Variants in PHEX observed in about 807,000 individuals in gnomAD.
PHEX encodes phosphate regulating endopeptidase X-linked.
A neutral mutation model predicts 68.0 loss-of-function variants in PHEX; 16 were observed. The observed-to-expected ratio is 0.24, with a 90% CI of 0.16 to 0.36. The LOEUF (loss-of-function observed/expected upper bound fraction) is 0.36. PHEX is among the 10% of genes least tolerant of loss of function. The pLI, the probability that PHEX is intolerant of heterozygous loss-of-function variation, is 1.00. For missense variants in PHEX, 480 were observed against 575.5 expected, an observed-to-expected ratio of 0.83 and a Z score of 1.70; for synonymous variants, 208 against 205.1, an observed-to-expected ratio of 1.01 and a Z score of -0.12.
At position 22,212,996 on chromosome X, in the gene PHEX, T is replaced by C. The variant is rs182219324; in HGVS notation, c.1700+38T>C. 2.1e-4 allele frequency: 212 copies of C among 992,628 alleles called. 1 individual carries two copies. The highest frequency in any genetic ancestry group is 3.0e-4 in the Non-Finnish European group (206 of 696,582). The allele number at this position is 992,628 out of a possible 1,213,427, so 81.8% of individuals were successfully genotyped here. A position where few individuals can be genotyped will look rare whatever the true frequency, so the allele number is the denominator to read the frequency against. ...GTACAGAAACCAGTTACTGACCAAT[T>C]AGGAAGAACATGTTGCTTTGGTAGA... On this transcript the variant is annotated intron_variant, in intron 16 of 21. Transcript: ENST00000379374.
chrX:22,037,364 T>G (rs903990580), intron 1 of PHEX, among the ~76,000 whole-genome samples: 8 of 111,249 alleles, frequency 7.2e-5, no homozygotes, highest in African/African-American at 2.0e-4. Flanking sequence ...CCCATTCACC[T>G]CCCACCATCC....
intron 11 of PHEX, among the ~76,000 whole-genome samples, chrX:22,132,760 C>T (rs917260224): frequency 3.5e-4 from 39 of 111,976 alleles, no homozygotes; most frequent in African/African-American, 1.2e-3. Context: ...AGTTTAGTAG[C>T]TACAGACAGG....
At chrX:22,244,516 C>T (rs1234423908) in intron 20 of PHEX, among the ~76,000 whole-genome samples, 3 of 110,998 alleles carry the variant, frequency 2.7e-5, no homozygotes, top group Admixed American at 9.6e-5. Flanking sequence ...GCAGGAGAAT[C>T]GCTTGAACCC....
At chrX:22,221,871 A>G (rs1935281674) in intron 18 of PHEX, 128 bp downstream of exon 18, 2 of 645,309 alleles carry the variant, frequency 3.1e-6, no homozygotes, top group Admixed American at 2.3e-5. Flanking sequence ...TTCCTTGGGA[A>G]CATTCTTGAG....
intron 10 of PHEX, among the ~76,000 whole-genome samples, chrX:22,114,161 G>C (rs1427733330): frequency 9.2e-6 from 1 of 109,211 alleles, no homozygotes; most frequent in Non-Finnish European, 1.9e-5. Flanking sequence ...TGTTGGCCAG[G>C]CTGGTCTCGA....
chrX:22,088,797 A>T (rs1482356845), intron 5 of PHEX, among the ~76,000 whole-genome samples: 1 of 111,613 alleles, frequency 9.0e-6, no homozygotes, highest in Non-Finnish European at 1.9e-5. Context: ...AATTTGTTCA[A>T]TGTCGATAAA....
chrX:22,060,013 G>A (rs1928288541), intron 3 of PHEX, among the ~76,000 whole-genome samples: 1 of 110,278 alleles, frequency 9.1e-6, no homozygotes, highest in African/African-American at 3.3e-5. Context: ...GTCAATTCTG[G>A]GCCTGGCAGT....
intron 20 of PHEX, among the ~76,000 whole-genome samples, chrX:22,243,973 AC>A (rs1352654739): frequency 8.9e-6 from 1 of 112,007 alleles, no homozygotes; most frequent in Non-Finnish European, 1.9e-5. Context: ...CTATAAAGAC[AC>A]CATGCATACG....
intron 9 of PHEX, among the ~76,000 whole-genome samples, chrX:22,106,832 A>G (rs1930720259): frequency 9.1e-6 from 1 of 109,701 alleles, no homozygotes; most frequent in Non-Finnish European, 1.9e-5. Context: ...TATCTGGCAT[A>G]GGGAAAAGCA....
chrX:22,197,537 G>C (rs769464335), intron 15 of PHEX, among the ~76,000 whole-genome samples: 20 of 111,030 alleles, frequency 1.8e-4, no homozygotes, highest in Non-Finnish European at 3.2e-4. Context: ...GGAGTACCAT[G>C]TGAGTGCGCC....
chrX:22,058,209 G>T (rs1928204088), intron 3 of PHEX, among the ~76,000 whole-genome samples: 1 of 111,309 alleles, frequency 9.0e-6, no homozygotes, highest in African/African-American at 3.3e-5. Flanking sequence ...AAGGGATTCT[G>T]CCACTTATCA....
At chrX:22,195,368 C>A (rs991028602) in intron 15 of PHEX, among the ~76,000 whole-genome samples, 2 of 109,901 alleles carry the variant, frequency 1.8e-5, no homozygotes, top group Non-Finnish European at 3.8e-5. Context: ...CTGAGGCAGG[C>A]GGATCACCTG....
At chrX:22,181,834 A>G (rs2147131377) in intron 14 of PHEX, among the ~76,000 whole-genome samples, 1 of 111,737 alleles carries the variant, frequency 8.9e-6, no homozygotes, top group East Asian at 2.8e-4. Flanking sequence ...TTTTATTCGT[A>G]GCTATTGTAA....
chrX:22,239,019 T>A (rs1400864202), intron 20 of PHEX, among the ~76,000 whole-genome samples: 1 of 111,684 alleles, frequency 9.0e-6, no homozygotes, highest in East Asian at 2.8e-4. Flanking sequence ...GGACAAAGCT[T>A]CCAGAGGAAG....
intron 18 of PHEX, among the ~76,000 whole-genome samples, chrX:22,224,983 A>AGC (rs1270451681): frequency 0.027 from 2,969 of 108,127 alleles, 667 homozygotes; most frequent in African/African-American, 0.054. Flanking sequence ...ATTATCATAC[A>AGC]GCTCTGTATG....
chrX:22,174,208 G>T (rs111941318), intron 13 of PHEX, among the ~76,000 whole-genome samples: 1,967 of 112,100 alleles, frequency 0.018, 36 homozygotes, highest in African/African-American at 0.061. Context: ...GGAATTGATT[G>T]AAAGTGATCA....
chrX:22,116,462 A>G (rs1931236081), intron 11 of PHEX, among the ~76,000 whole-genome samples: 1 of 111,877 alleles, frequency 8.9e-6, no homozygotes, highest in Non-Finnish European at 1.9e-5. Context: ...TAAGATACAA[A>G]TATATGAGCA....
At chrX:22,208,298 A>G (rs1934777674) in intron 15 of PHEX, among the ~76,000 whole-genome samples, 1 of 111,633 alleles carries the variant, frequency 9.0e-6, no homozygotes, top group African/African-American at 3.3e-5. Context: ...GTATATGCTC[A>G]CACTGGTAGG....
intron 11 of PHEX, among the ~76,000 whole-genome samples, chrX:22,126,090 A>C (rs1602316839): frequency 8.9e-6 from 1 of 111,969 alleles, no homozygotes; most frequent in South Asian, 3.7e-4. Flanking sequence ...TGAGATATGG[A>C]CTCGTGAAAA....
Sources: allele counts gnomAD v4.1 joint callset (sites outside exome capture counted in the v4.1 genomes callset), GRCh38; gene constraint gnomAD v4.1.1; transcripts MANE v1.5; gene names NCBI Gene and HGNC (gene_info 2026-07-23, HGNC 2026-07-21).